Variants in PUS7 observed in about 807,000 individuals in gnomAD.
The protein encoded by PUS7 is pseudouridylate synthase 7 homolog.
A neutral mutation model predicts 79.8 loss-of-function variants in PUS7; 48 were observed. That is an observed-to-expected ratio of 0.60 (90% CI 0.48 to 0.76). The LOEUF is 0.76. Among genes scored for constraint, PUS7 ranks in the 30% least tolerant of loss-of-function variants. PUS7 has a pLI of 0.00. For missense variants in PUS7, 729 were observed against 797.6 expected (o/e 0.91, Z 1.04); for synonymous variants, 286 against 272.2 (o/e 1.05, Z -0.50).
intron 9 of PUS7, among the ~76,000 whole-genome samples, chr7:105,472,799 G>T (rs951989779): frequency 3.3e-5 from 5 of 151,842 alleles, no homozygotes; most frequent in Admixed American, 6.6e-5. Flanking sequence ...TGTTGCCCAG[G>T]CTGGAGTGCA....
At chr7:105,512,693 A>G (rs1562821984) in intron 1 of PUS7, among the ~76,000 whole-genome samples, 1 of 152,324 alleles carries the variant, frequency 6.6e-6, no homozygotes, top group South Asian at 2.1e-4. Flanking sequence ...ACATGAGGCT[A>G]CAAGGAGGGA....
At chr7:105,480,002 T>G (rs1586121328) in intron 9 of PUS7, among the ~76,000 whole-genome samples, 1 of 150,210 alleles carries the variant, frequency 6.7e-6, no homozygotes, top group East Asian at 2.0e-4. Flanking sequence ...TCTCAAAAAA[T>G]AAAAATAAAA....
chr7:105,500,498 A>T (rs1019383867), intron 5 of PUS7, among the ~76,000 whole-genome samples: 10 of 152,170 alleles, frequency 6.6e-5, no homozygotes, highest in Admixed American at 6.5e-4. Context: ...AGAAGCCACC[A>T]GTCAAAAAAA....
chr7:105,461,218 G>A (rs1823413226), intron 14 of PUS7, among the ~76,000 whole-genome samples: 1 of 152,184 alleles, frequency 6.6e-6, no homozygotes, highest in African/African-American at 2.4e-5. Flanking sequence ...GGAACTCACA[G>A]CTAATTCTAA....
chr7:105,513,927 A>G lies in PUS7; in HGVS notation c.-32-5383T>C, dbSNP rs542817934. On this transcript the variant is annotated intron_variant, in intron 1 of 15. Transcript: ENST00000469408. Reference sequence around the variant, plus strand: ...TGGAGGAGTTTAAAAAAAGAAAAAAAGCTGGCTGGGCGCGGTGGCTCACGC... The same window carrying G: ...TGGAGGAGTTTAAAAAAAGAAAAAAGGCTGGCTGGGCGCGGTGGCTCACGC... Among the ~76,000 whole-genome samples, 148 of 138,082 alleles carry G rather than the reference A, an allele frequency of 1.1e-3. 6 individuals are homozygous for G. Among genetic ancestry groups the G allele is most frequent in the African/African-American group, 3.3e-3 (128 of 38,902 alleles). 90.6% of individuals were successfully genotyped at this position (138,082 alleles called of 152,430 possible). A position where few individuals can be genotyped will look rare whatever the true frequency, so the allele number is the denominator to read the frequency against.
In PUS7 at chr7:105,522,264, G is replaced by A. The variant is rs984479141; in HGVS notation, c.-245C>T. On this transcript the variant is annotated 5_prime_UTR_variant, in exon 1 of 16. Coordinates refer to ENST00000469408, the MANE Select transcript of PUS7 (RefSeq NM_019042.5). ...ACGTGCGGCGCAGCGACGCGCCGCG[G>A]CCCGACTGGACCCGCCCCGGGGGCG... is the stretch of plus-strand genomic sequence containing the variant. The A allele has an allele frequency of 6.6e-6, 1 of 151,784 alleles. No individual in the cohort carries two copies. The highest frequency in any genetic ancestry group is 2.4e-5 in the African/African-American group (1 of 41,388). The allele number at this position is 151,784 out of a possible 1,614,324, so 9.4% of individuals were successfully genotyped here. A position where few individuals can be genotyped will look rare whatever the true frequency, so the allele number is the denominator to read the frequency against.
chr7:105,462,238 C>T (rs1823461286), intron 14 of PUS7: 1 of 177,652 alleles, frequency 5.6e-6, no homozygotes, highest in Non-Finnish European at 1.2e-5. Flanking sequence ...TTGACACCAG[C>T]CTGGCCAATA....
intron 1 of PUS7, among the ~76,000 whole-genome samples, chr7:105,509,060 T>C (rs1248027826): frequency 6.8e-6 from 1 of 146,684 alleles, no homozygotes; most frequent in African/African-American, 2.5e-5. Flanking sequence ...GGTAGGCGCC[T>C]GTAATCCCAG....
intron 9 of PUS7, among the ~76,000 whole-genome samples, chr7:105,476,290 G>A (rs1002547291): frequency 6.6e-6 from 1 of 152,008 alleles, no homozygotes; most frequent in Admixed American, 6.6e-5. Flanking sequence ...ACAAATATCT[G>A]GTGAGTTCCC....
intron 4 of PUS7, among the ~76,000 whole-genome samples, chr7:105,503,413 C>G (rs1047277005): frequency 1.3e-5 from 2 of 152,140 alleles, no homozygotes; most frequent in Non-Finnish European, 2.9e-5. Context: ...GGTTCTAGCA[C>G]ATGGGTTTAC....
Position 105,471,776 on chromosome 7 carries a change from G to A in PUS7, c.1237+356C>T, listed in dbSNP as rs113340544. Among the ~76,000 whole-genome samples, 495 of 152,210 alleles carry A rather than the reference G, an allele frequency of 3.3e-3. 1 individual carries two copies. The highest frequency in any genetic ancestry group is 0.012 in the African/African-American group (480 of 41,544). On this transcript the variant is annotated intron_variant, in intron 10 of 15. Coordinates refer to ENST00000469408, the MANE Select transcript of PUS7 (RefSeq NM_019042.5). ...AAAAATACAAAATGACCCAGGCATG[G>A]TGCTGCAAGCCTGTAATCCCAGCTA...
chr7:105,509,184 C>CAAAAAAAAAAAAAAAAAAAAAAAAA (rs57095427), intron 1 of PUS7, among the ~76,000 whole-genome samples: 3 of 55,710 alleles, frequency 5.4e-5, no homozygotes, highest in African/African-American at 8.9e-5. Flanking sequence ...GACTCCATCT[C>CAAAAAAAAAAAAAAAAAAAAAAAAA]AAAAAAAAAA....
rs377728624 is a variant in PUS7, at chr7:105,481,121, A to G, written c.1106T>C (p.Ile369Thr). Residue 369 changes from isoleucine to threonine, a missense_variant, in exon 9 of 16, where the codon ATT becomes ACT. Coordinates refer to ENST00000469408, the MANE Select transcript of PUS7 (RefSeq NM_019042.5). ...VQQAMNSLKE[I>T]GFINYYGMQR... ...CATTCCATAGTAGTTAATAAATCCA[A>G]TCTCCTTGAGAGAGTTCATAGCTTG... 440 of 1,612,562 alleles carry G rather than the reference A, an allele frequency of 2.7e-4. No homozygotes were observed. The highest frequency in any genetic ancestry group is 6.9e-4 in the East Asian group (31 of 44,812).
intron 7 of PUS7, among the ~76,000 whole-genome samples, chr7:105,486,335 G>A (rs775410145): frequency 1.3e-5 from 2 of 152,174 alleles, no homozygotes; most frequent in Non-Finnish European, 2.9e-5. Context: ...TTACAGGCGT[G>A]AGCCACCGCA....
At chr7:105,493,769 T>C (rs1333515232) in intron 6 of PUS7, among the ~76,000 whole-genome samples, 2 of 152,126 alleles carry the variant, frequency 1.3e-5, no homozygotes, top group Non-Finnish European at 2.9e-5. Flanking sequence ...AAGGCAGCCA[T>C]CTGCGAGCCA....
intron 2 of PUS7, 139 bp downstream of exon 2, chr7:105,507,976 C>T: frequency 8.6e-7 from 1 of 1,159,900 alleles, no homozygotes; most frequent in South Asian, 2.4e-5. Flanking sequence ...AGGCAGGTTT[C>T]CTTCATCCTA....
chr7:105,491,611 CT>C lies in PUS7; in HGVS notation c.848del (p.Lys283SerfsTer16). On this transcript the variant is annotated frameshift_variant, in exon 7 of 16. Transcript: ENST00000469408. LOFTEE classifies it high-confidence loss of function. ...INVLSKYLRV[K>X]PNIFSYMGTK... is the part of the protein sequence containing the mutation. ...TTCCCATGTAGGAGAATATATTTGG[CT>C]TGACTCTGGTAAGAGAGAAACAAGA... The C allele has an allele frequency of 6.3e-7, 1 of 1,583,978 alleles. No homozygotes were observed. Among genetic ancestry groups the C allele is most frequent in the Non-Finnish European group, 8.7e-7 (1 of 1,153,452 alleles).
At chr7:105,501,395 T>A (rs1271330376) in intron 5 of PUS7, among the ~76,000 whole-genome samples, 1 of 151,682 alleles carries the variant, frequency 6.6e-6, no homozygotes, top group African/African-American at 2.4e-5. Context: ...ATTTGGTAGG[T>A]GAAAAAAAAA....
rs181263365 is a variant in PUS7, at chr7:105,469,319, C to T, written c.1399-856G>A. Among the ~76,000 whole-genome samples the T allele has an allele frequency of 1.7e-4, 26 of 150,202 alleles. No individual in the cohort carries two copies. In the East Asian group the frequency reaches 5.0e-3, roughly 29 times the overall value. On this transcript the variant is annotated intron_variant, in intron 11 of 15. Coordinates refer to ENST00000469408, the MANE Select transcript of PUS7 (RefSeq NM_019042.5). Reference sequence around the variant, plus strand: ...CTTTTTTATTTTTTTGAGACAAGGTCTCACTCTGTCACCTAGGCTGGAGTG... The same window carrying T: ...CTTTTTTATTTTTTTGAGACAAGGTTTCACTCTGTCACCTAGGCTGGAGTG...
Sources: allele counts gnomAD v4.1 joint callset (sites outside exome capture counted in the v4.1 genomes callset), GRCh38; gene constraint gnomAD v4.1.1; transcripts MANE v1.5; gene names NCBI Gene and HGNC (gene_info 2026-07-23, HGNC 2026-07-21).